Variants in ZFAND3 observed in about 807,000 individuals in gnomAD.
The protein encoded by ZFAND3 is zinc finger AN1-type containing 3, also known as AN1-type zinc finger protein 3.
In ZFAND3, 10 loss-of-function variants were observed where a neutral mutation model predicts 29.6. The ratio of observed to expected loss-of-function variants is 0.34; its 90% CI spans 0.21 to 0.57. The LOEUF (loss-of-function observed/expected upper bound fraction) is 0.57. Among genes scored for constraint, ZFAND3 ranks in the 20% least tolerant of loss-of-function variants. The probability of loss-of-function intolerance (pLI) is 0.86; values close to 1 mark genes in which losing one functional copy is unlikely to be tolerated. For synonymous variants in ZFAND3, 128 were observed against 112.6 expected (o/e 1.14, Z -0.87); for missense variants, 230 against 304.5 (o/e 0.76, Z 1.82).
At chr6:37,844,384 C>T (rs1478336323) in intron 1 of ZFAND3, among the ~76,000 whole-genome samples, 1 of 152,082 alleles carries the variant, frequency 6.6e-6, no homozygotes, top group Non-Finnish European at 1.5e-5. Context: ...CAGGTTCATG[C>T]CATTCTCCTG....
chr6:37,917,430 G>A (rs1248293938), intron 1 of ZFAND3, among the ~76,000 whole-genome samples: 2 of 152,154 alleles, frequency 1.3e-5, no homozygotes, highest in African/African-American at 4.8e-5. Context: ...TTACAACAGT[G>A]GGAGGAAATA....
chr6:37,890,685 A>G (rs1313424476), intron 1 of ZFAND3, among the ~76,000 whole-genome samples: 1 of 152,252 alleles, frequency 6.6e-6, no homozygotes, highest in East Asian at 1.9e-4. Context: ...CATTAGTTAT[A>G]ATTGTTGCTA....
chr6:37,842,203 C>T (rs1561907679), intron 1 of ZFAND3, among the ~76,000 whole-genome samples: 1 of 152,202 alleles, frequency 6.6e-6, no homozygotes. Flanking sequence ...AGGACACCGA[C>T]ATTGAGACTG....
intron 2 of ZFAND3, among the ~76,000 whole-genome samples, chr6:38,029,608 A>G (rs1763511036): frequency 6.6e-6 from 1 of 152,186 alleles, no homozygotes; most frequent in South Asian, 2.1e-4. Context: ...CCTACATATT[A>G]ATTGAAGAGA....
chr6:37,821,697 C>T (rs1268440433), intron 1 of ZFAND3, among the ~76,000 whole-genome samples: 3 of 152,228 alleles, frequency 2.0e-5, no homozygotes, highest in African/African-American at 7.2e-5. Context: ...CCAGTGGCAG[C>T]TAATGCTCAG....
chr6:38,050,371 A>G (rs1334811031), intron 2 of ZFAND3, among the ~76,000 whole-genome samples: 1 of 151,998 alleles, frequency 6.6e-6, no homozygotes, highest in Non-Finnish European at 1.5e-5. Flanking sequence ...CAGCCTTTCT[A>G]GTAGCCAGGT....
At chr6:37,980,427 G>C (rs968254390) in intron 2 of ZFAND3, among the ~76,000 whole-genome samples, 2 of 152,122 alleles carry the variant, frequency 1.3e-5, no homozygotes, top group African/African-American at 4.8e-5. Context: ...TGTATCATTT[G>C]CTGATCTGTT....
intron 1 of ZFAND3, among the ~76,000 whole-genome samples, chr6:37,845,127 G>T (rs1225941889): frequency 6.6e-6 from 1 of 152,090 alleles, no homozygotes; most frequent in Non-Finnish European, 1.5e-5. Flanking sequence ...AGCAGTTATG[G>T]AGCCTGCCCA....
chr6:37,978,441 C>T lies in ZFAND3; in HGVS notation c.112+48442C>T, dbSNP rs376518950. On this transcript the variant is annotated intron_variant, in intron 2 of 5. Coordinates refer to ENST00000287218, the MANE Select transcript of ZFAND3 (RefSeq NM_021943.3). Reference sequence around the variant, plus strand: ...TTTGTTATTAGAGTACTTCTGAACTCATAGAATGAGTTGGAAAGTATTCCC... The same window carrying T: ...TTTGTTATTAGAGTACTTCTGAACTTATAGAATGAGTTGGAAAGTATTCCC... Among the ~76,000 whole-genome samples the T allele has an allele frequency of 3.9e-5, 6 of 152,236 alleles. No homozygotes were observed. The East Asian group carries it at 7.7e-4, about 20-fold the overall frequency.
intron 5 of ZFAND3, among the ~76,000 whole-genome samples, chr6:38,139,872 G>A (rs6919188): frequency 0.032 from 4,942 of 152,198 alleles, 217 homozygotes; most frequent in African/African-American, 0.095. Context: ...ACCTAAAGGA[G>A]GCTATTGCAG....
At chr6:38,109,814 C>T (rs929948201) in intron 4 of ZFAND3, among the ~76,000 whole-genome samples, 5 of 152,180 alleles carry the variant, frequency 3.3e-5, no homozygotes, top group South Asian at 2.1e-4. Flanking sequence ...AAAATGTCTC[C>T]GCAGAAGCAG....
In ZFAND3 at chr6:38,036,306, G is replaced by A. The variant is rs556343946; in HGVS notation, c.113-25287G>A. On this transcript the variant is annotated intron_variant, in intron 2 of 5. Coordinates refer to ENST00000287218, the MANE Select transcript of ZFAND3 (RefSeq NM_021943.3). Reference sequence around the variant, plus strand: ...AAAAATCTGAGCAGGGACATCAGAAGCTGCATACTGCAGGGTAAATAGGCT... The same window carrying A: ...AAAAATCTGAGCAGGGACATCAGAAACTGCATACTGCAGGGTAAATAGGCT... Among the ~76,000 whole-genome samples, 12 of 152,348 alleles carry A rather than the reference G, an allele frequency of 7.9e-5. No individual in the cohort carries two copies. In the South Asian group the frequency reaches 1.7e-3, roughly 21 times the overall value.
intron 2 of ZFAND3, among the ~76,000 whole-genome samples, chr6:37,971,831 G>GAAA (rs5875604): frequency 8.5e-5 from 10 of 117,886 alleles, no homozygotes; most frequent in Admixed American, 1.8e-4. Flanking sequence ...TGTACAAAAT[G>GAAA]AAAAAAAAAA....
At chr6:37,961,348 C>G (rs1043540502) in intron 2 of ZFAND3, among the ~76,000 whole-genome samples, 2 of 152,224 alleles carry the variant, frequency 1.3e-5, no homozygotes, top group African/African-American at 2.4e-5. Context: ...AATAGAACAC[C>G]AGGTGGACAT....
At chr6:38,119,093 C>G (rs1380641933) in intron 5 of ZFAND3, among the ~76,000 whole-genome samples, 1 of 152,204 alleles carries the variant, frequency 6.6e-6, no homozygotes, top group African/African-American at 2.4e-5. Flanking sequence ...GTTTGACCCA[C>G]TGAGAGCATT....
intron 2 of ZFAND3, among the ~76,000 whole-genome samples, chr6:38,046,643 C>G (rs1763909511): frequency 6.6e-6 from 1 of 152,020 alleles, no homozygotes; most frequent in Non-Finnish European, 1.5e-5. Flanking sequence ...TAACCGGTGT[C>G]CATTTGAGAA....
At chr6:37,980,494 T>A (rs1220420997) in intron 2 of ZFAND3, among the ~76,000 whole-genome samples, 1 of 152,216 alleles carries the variant, frequency 6.6e-6, no homozygotes, top group Non-Finnish European at 1.5e-5. Context: ...ATCACTTGAT[T>A]TGAAGCAAGT....
intron 1 of ZFAND3, among the ~76,000 whole-genome samples, chr6:37,912,025 TTTATCTGTG>T (rs1331712671): frequency 7.6e-6 from 1 of 131,794 alleles, no homozygotes; most frequent in Non-Finnish European, 1.6e-5. Context: ...CTGCCAGTCT[TTTATCTGTG>T]TGTGTGTGTG....
rs2127448683 is a variant in ZFAND3, at chr6:38,024,567, GATGA to G, written c.113-37021_113-37018del. Among the ~76,000 whole-genome samples, 3 of 152,244 alleles carry G rather than the reference GATGA, an allele frequency of 2.0e-5. No individual in the cohort carries two copies. In the South Asian group the frequency reaches 6.2e-4, roughly 32 times the overall value. On this transcript the variant is annotated intron_variant, in intron 2 of 5. Coordinates refer to ENST00000287218, the MANE Select transcript of ZFAND3 (RefSeq NM_021943.3). ...AGGCAGCAGCCTATTTCTTCCATTG[GATGA>G]ATGATTAAATAAATGGTGGTATATC...
Sources: allele counts gnomAD v4.1 joint callset (sites outside exome capture counted in the v4.1 genomes callset), GRCh38; gene constraint gnomAD v4.1.1; transcripts MANE v1.5; gene names NCBI Gene and HGNC (gene_info 2026-07-23, HGNC 2026-07-21).